The following LY75 variants were observed in gnomAD, a reference collection of about 807,000 sequenced individuals.
The protein encoded by LY75 is C-type lectin domain family 13 member B.
In LY75, 185 loss-of-function variants were observed where a neutral mutation model predicts 231.7. The observed-to-expected ratio is 0.80, with a 90% CI of 0.71 to 0.90. The LOEUF is 0.90. Ranked by LOEUF, LY75 falls within the 40% of genes least tolerant of loss-of-function variation. The pLI is 0.00. For missense variants in LY75, 1,947 were observed against 2,050.2 expected (o/e 0.95, Z 0.97); for synonymous variants, 668 against 689.0 (o/e 0.97, Z 0.48).
At chr2:159,853,502 G>T (rs1574559892) in intron 19 of LY75, 128 bp downstream of exon 19, 1 of 1,489,148 alleles carries the variant, frequency 6.7e-7, no homozygotes, top group Non-Finnish European at 9.1e-7. Context: ...AAAAGGGCTT[G>T]GTTTCTCTAA....
At chr2:159,874,928 AAATATATATATTGTAAATATATTTAT>A (rs1685211503) in intron 12 of LY75, among the ~76,000 whole-genome samples, 2 of 138,080 alleles carry the variant, frequency 1.4e-5, no homozygotes, top group African/African-American at 5.4e-5. Context: ...ATATATTTAT[AAATATATATATTGTAAATATATTTAT>A]AAATATATTT....
At chr2:159,884,314 A>G (rs1183331136) in intron 6 of LY75, among the ~76,000 whole-genome samples, 1 of 152,156 alleles carries the variant, frequency 6.6e-6, no homozygotes, top group African/African-American at 2.4e-5. Context: ...AGCTTTGAGT[A>G]TTAGTTTCTC....
At chr2:159,869,521 T>C (rs890005585) in intron 13 of LY75, among the ~76,000 whole-genome samples, 2 of 152,144 alleles carry the variant, frequency 1.3e-5, no homozygotes, top group Non-Finnish European at 2.9e-5. Flanking sequence ...TTAGCTAAAA[T>C]ATTTAGAGAA....
intron 3 of LY75, among the ~76,000 whole-genome samples, chr2:159,890,916 T>C (rs1401371547): frequency 6.6e-6 from 1 of 152,206 alleles, no homozygotes; most frequent in Non-Finnish European, 1.5e-5. Context: ...GTAATTCACA[T>C]TACATATGCA....
intron 13 of LY75, among the ~76,000 whole-genome samples, chr2:159,866,145 A>G (rs2667028): frequency 0.023 from 3,500 of 152,228 alleles, 138 homozygotes; most frequent in East Asian, 0.16. Context: ...GTAGATTCCA[A>G]ATCTAAAAAC....
intron 23 of LY75, among the ~76,000 whole-genome samples, chr2:159,848,515 C>G (rs1032252977): frequency 1.3e-5 from 2 of 152,108 alleles, no homozygotes; most frequent in Non-Finnish European, 2.9e-5. Flanking sequence ...AAAGACTTTA[C>G]TCGTGTAACC....
intron 23 of LY75, among the ~76,000 whole-genome samples, chr2:159,843,785 T>G (rs11886807): frequency 6.6e-6 from 1 of 152,018 alleles, no homozygotes; most frequent in Non-Finnish European, 1.5e-5. Flanking sequence ...TCAAGACACA[T>G]AGAAGAGAAG....
At chr2:159,872,714 G>A in intron 12 of LY75, 121 bp from the exon 13 acceptor site, 1 of 1,152,602 alleles carries the variant, frequency 8.7e-7, no homozygotes. Flanking sequence ...TGTAGTGAAG[G>A]CATAGGTAAA....
intron 28 of LY75, among the ~76,000 whole-genome samples, chr2:159,822,727 T>G (rs12053269): frequency 0.41 from 62,042 of 151,876 alleles, 14,364 homozygotes; most frequent in Non-Finnish European, 0.52. Context: ...GAGCTCTGGC[T>G]GGCATCAGGC....
intron 33 of LY75, chr2:159,807,992 A>G (rs1452003969): frequency 3.2e-6 from 3 of 924,616 alleles, no homozygotes; most frequent in East Asian, 1.2e-4. Context: ...TACTATTAAG[A>G]CATAATTTTA....
chr2:159,883,261 C>T (rs1051111872), intron 6 of LY75, among the ~76,000 whole-genome samples: 1 of 149,630 alleles, frequency 6.7e-6, no homozygotes, highest in African/African-American at 2.5e-5. Context: ...TGCACATGTA[C>T]CCTAAAACTT....
At chr2:159,839,570 T>C (rs1029790294) in intron 25 of LY75, among the ~76,000 whole-genome samples, 1 of 152,150 alleles carries the variant, frequency 6.6e-6, no homozygotes, top group Non-Finnish European at 1.5e-5. Context: ...TTTGCTGAAT[T>C]TTTTCTTCTT....
chr2:159,849,605 G>A (rs1385752808), intron 23 of LY75, among the ~76,000 whole-genome samples: 1 of 152,186 alleles, frequency 6.6e-6, no homozygotes, highest in Non-Finnish European at 1.5e-5. Context: ...TCCATCAGAA[G>A]GCTGGGGAGG....
chr2:159,849,125 T>G lies in LY75; in HGVS notation c.3150+855A>C, dbSNP rs146346067. ...CCAAGTAATAATTTGATATTTATAT[T>G]GTACATAGTTACTCACGATTGAGAA... On this transcript the variant is annotated intron_variant, in intron 23 of 34. Coordinates refer to ENST00000263636, the MANE Select transcript of LY75 (RefSeq NM_002349.4). Among the ~76,000 whole-genome samples the G allele has an allele frequency of 5.6e-3, 856 of 152,336 alleles. 10 individuals are homozygous for G. Among genetic ancestry groups the G allele is most frequent in the African/African-American group, 0.02 (826 of 41,580 alleles).
intron 14 of LY75, among the ~76,000 whole-genome samples, chr2:159,862,164 TG>T (rs1684726025): frequency 6.6e-6 from 1 of 151,874 alleles, no homozygotes; most frequent in Non-Finnish European, 1.5e-5. Context: ...TGGTGGCACA[TG>T]CCTGAAGTCC....
rs542478765 is a variant in LY75, at chr2:159,899,253, G to A, written c.95-194C>T. The stretch of plus-strand genomic sequence containing the variant: ...AGTGCAGTGTGTAGGGTCAGAACAC[G>A]GGCTCTGGAGCCAGTCCGCCTGGGT... On this transcript the variant is annotated intron_variant, in intron 1 of 34. Transcript: ENST00000263636. Among the ~76,000 whole-genome samples the A allele has an allele frequency of 5.3e-5, 8 of 152,296 alleles. No homozygotes were observed. In the South Asian group the frequency reaches 8.3e-4, roughly 16 times the overall value.
chr2:159,849,259 T>C (rs1684308197), intron 23 of LY75, among the ~76,000 whole-genome samples: 1 of 152,216 alleles, frequency 6.6e-6, no homozygotes, highest in African/African-American at 2.4e-5. Flanking sequence ...TGTTAATTTC[T>C]CAATCTTTGC....
At chr2:159,821,956 T>G (rs1228107490) in intron 28 of LY75, among the ~76,000 whole-genome samples, 4 of 152,124 alleles carry the variant, frequency 2.6e-5, no homozygotes, top group Non-Finnish European at 5.9e-5. Flanking sequence ...TTCTCCCCTA[T>G]CCAAGGGAAG....
Position 159,835,425 on chromosome 2 carries a change from A to G in LY75, c.3673+55T>C, listed in dbSNP as rs951022230. ...TATAAAACCACTCCTCAGAAATTCT[A>G]CCACTTATGGGACTGTTAATAATTT... On this transcript the variant is annotated intron_variant, in intron 26 of 34. Coordinates refer to ENST00000263636, the MANE Select transcript of LY75 (RefSeq NM_002349.4). 2.7e-5 allele frequency: 39 copies of G among 1,469,462 alleles called. No individual in the cohort carries two copies. The African/African-American group carries it at 5.5e-4, about 21-fold the overall frequency. The allele number at this position is 1,469,462 out of a possible 1,614,324, so 91.0% of individuals were successfully genotyped here. A position where few individuals can be genotyped will look rare whatever the true frequency, so the allele number is the denominator to read the frequency against.
Sources: allele counts gnomAD v4.1 joint callset (sites outside exome capture counted in the v4.1 genomes callset), GRCh38; gene constraint gnomAD v4.1.1; transcripts MANE v1.5; gene names NCBI Gene and HGNC (gene_info 2026-07-23, HGNC 2026-07-21).